Variants in SHB observed in about 807,000 individuals in gnomAD.
SHB encodes SH2 domain-containing adapter protein B.
In SHB, 20 loss-of-function variants were observed where a neutral mutation model predicts 52.3. The ratio of observed to expected loss-of-function variants is 0.38; its 90% CI spans 0.27 to 0.56. The LOEUF (loss-of-function observed/expected upper bound fraction) is 0.56. Ranked by LOEUF, SHB falls within the 20% of genes least tolerant of loss-of-function variation. The probability of loss-of-function intolerance (pLI) is 0.71; values close to 1 mark genes in which losing one functional copy is unlikely to be tolerated. For missense variants in SHB, 825 were observed against 723.3 expected (o/e 1.14, Z -1.61); for synonymous variants, 397 against 316.5 (o/e 1.25, Z -2.70).
chr9:38,063,153 G>A (rs1821916705), intron 1 of SHB, among the ~76,000 whole-genome samples: 1 of 152,212 alleles, frequency 6.6e-6, no homozygotes, highest in African/African-American at 2.4e-5. Flanking sequence ...AGGGGAAAGT[G>A]TCCCAAGCCA....
At chr9:37,938,611 G>A (rs556380170) in intron 5 of SHB, among the ~76,000 whole-genome samples, 3 of 152,332 alleles carry the variant, frequency 2.0e-5, no homozygotes, top group South Asian at 2.1e-4. Flanking sequence ...TGGCGGAGCC[G>A]CACAGGCAGA....
intron 5 of SHB, among the ~76,000 whole-genome samples, chr9:37,926,536 G>C (rs1286358745): frequency 6.6e-6 from 1 of 152,202 alleles, no homozygotes; most frequent in African/African-American, 2.4e-5. Context: ...GACTGGCCTG[G>C]GACTATGCAG....
chr9:37,981,432 C>T (rs1820722543), intron 2 of SHB, among the ~76,000 whole-genome samples: 1 of 152,210 alleles, frequency 6.6e-6, no homozygotes, highest in South Asian at 2.1e-4. Flanking sequence ...TAGGGCCTTG[C>T]TCCAGATTAG....
chr9:38,013,175 C>T (rs1004307339), intron 2 of SHB, among the ~76,000 whole-genome samples: 1 of 152,160 alleles, frequency 6.6e-6, no homozygotes, highest in African/African-American at 2.4e-5. Context: ...GCACAGCTGC[C>T]AAGCTAGGAT....
At chr9:38,010,358 C>T (rs1821123769) in intron 2 of SHB, among the ~76,000 whole-genome samples, 1 of 152,196 alleles carries the variant, frequency 6.6e-6, no homozygotes, top group Non-Finnish European at 1.5e-5. Flanking sequence ...GGGCTGAAGG[C>T]CAGTGAAGAG....
At chr9:38,055,582 C>T (rs1256074607) in intron 1 of SHB, among the ~76,000 whole-genome samples, 1 of 152,158 alleles carries the variant, frequency 6.6e-6, no homozygotes, top group African/African-American at 2.4e-5. Flanking sequence ...ATACCCACCT[C>T]GCCCAAATGC....
chr9:37,998,240 G>T (rs1417216380), intron 2 of SHB, among the ~76,000 whole-genome samples: 1 of 126,830 alleles, frequency 7.9e-6, no homozygotes, highest in Non-Finnish European at 1.8e-5. Context: ...AAGCACTAGG[G>T]CCAGGGCCCC....
Position 38,065,557 on chromosome 9 carries a change from C to T in SHB, c.717+2372G>A, listed in dbSNP as rs184176612. Among the ~76,000 whole-genome samples the T allele has an allele frequency of 1.6e-4, 24 of 152,324 alleles. No homozygotes were observed. The East Asian group carries it at 4.6e-3, about 29-fold the overall frequency. On this transcript the variant is annotated intron_variant, in intron 1 of 5. Coordinates refer to ENST00000377707, the MANE Select transcript of SHB (RefSeq NM_003028.3). ...TCTGTTGTAACCAGCCCTATAGGTG[C>T]ACTAAAGTTTGAGGATCGCTGCACT... is the stretch of plus-strand genomic sequence containing the variant.
At chr9:37,932,562 CAAAA>C (rs74171537) in intron 5 of SHB, among the ~76,000 whole-genome samples, 1 of 86,746 alleles carries the variant, frequency 1.2e-5, no homozygotes, top group African/African-American at 4.1e-5. Flanking sequence ...GCTCTAGCCA[CAAAA>C]AAAAAAAAAA....
At chr9:37,935,818 T>A (rs567498951) in intron 5 of SHB, among the ~76,000 whole-genome samples, 1 of 151,924 alleles carries the variant, frequency 6.6e-6, no homozygotes, top group South Asian at 2.1e-4. Flanking sequence ...TACCCCCAAA[T>A]AACTGAGGCA....
chr9:38,061,175 G>T (rs1043885391), intron 1 of SHB, among the ~76,000 whole-genome samples: 6 of 152,014 alleles, frequency 3.9e-5, no homozygotes. Context: ...AGTTGGGTGT[G>T]CTGGCGTGTG....
At chr9:38,004,906 G>A (rs1262989229) in intron 2 of SHB, among the ~76,000 whole-genome samples, 1 of 152,258 alleles carries the variant, frequency 6.6e-6, no homozygotes, top group African/African-American at 2.4e-5. Context: ...ATGAGACCCA[G>A]TTCTGGGAGC....
intron 1 of SHB, 78 bp from the exon 2 acceptor site, chr9:38,016,209 C>A: frequency 6.6e-7 from 1 of 1,520,448 alleles, no homozygotes; most frequent in Non-Finnish European, 9.0e-7. Context: ...AGGCTTTGGG[C>A]CTCAGCTAGA....
chr9:38,002,714 C>T (rs1427385775), intron 2 of SHB, among the ~76,000 whole-genome samples: 1 of 152,154 alleles, frequency 6.6e-6, no homozygotes. Context: ...TTCTAATGCC[C>T]AAGTTCAAGC....
rs1231022407 is a variant in SHB at position 37,937,123 on chromosome 9, C to G, written c.1346+11512G>C. Among the ~76,000 whole-genome samples, 4 of 152,316 alleles carry G rather than the reference C, an allele frequency of 2.6e-5. No individual in the cohort carries two copies. In the East Asian group the frequency reaches 5.8e-4, roughly 22 times the overall value. ...CACACCTCTGTACATCACAGTACTTCCCTACTGTCCTGTCTCCTTGTCTGG... is the reference window on the plus strand; with the variant it reads ...CACACCTCTGTACATCACAGTACTTGCCTACTGTCCTGTCTCCTTGTCTGG... On this transcript the variant is annotated intron_variant, in intron 5 of 5. Transcript: ENST00000377707.
intron 1 of SHB, among the ~76,000 whole-genome samples, chr9:38,030,384 C>T (rs1340056921): frequency 6.6e-6 from 1 of 152,216 alleles, no homozygotes; most frequent in Non-Finnish European, 1.5e-5. Context: ...AGAGGCCTCA[C>T]TGCTGCGATT....
At chr9:38,011,106 T>A (rs1054724062) in intron 2 of SHB, among the ~76,000 whole-genome samples, 1 of 152,206 alleles carries the variant, frequency 6.6e-6, no homozygotes, top group Non-Finnish European at 1.5e-5. Flanking sequence ...CTGATCAGTG[T>A]CCAGCGCCCT....
chr9:38,061,103 A>G (rs7866987), intron 1 of SHB, among the ~76,000 whole-genome samples: 82,696 of 151,920 alleles, frequency 0.54, 22,819 homozygotes, highest in Middle Eastern at 0.61. Flanking sequence ...AGGCCAAGGC[A>G]GACGGATCAC....
chr9:38,054,997 A>C (rs1821796839), intron 1 of SHB, among the ~76,000 whole-genome samples: 1 of 152,252 alleles, frequency 6.6e-6, no homozygotes, highest in African/African-American at 2.4e-5. Flanking sequence ...TTGGCTGCAG[A>C]TCACAATCAT....
Sources: gnomAD v4.1 joint callset for allele counts (sites outside exome capture counted in the v4.1 genomes callset) on GRCh38, gnomAD v4.1.1 for gene constraint, MANE v1.5 for transcripts, NCBI Gene and HGNC (gene_info 2026-07-23, HGNC 2026-07-21) for gene names.